Variants in LCK observed in about 807,000 individuals in gnomAD.
LCK encodes tyrosine-protein kinase Lck.
LCK carries 14 observed loss-of-function variants against 64.6 expected under a neutral mutation model. The observed-to-expected ratio is 0.22, with a 90% CI of 0.14 to 0.34. The LOEUF (loss-of-function observed/expected upper bound fraction) is 0.34. Ranked by LOEUF, LCK falls within the 10% of genes least tolerant of loss-of-function variation. LCK has a pLI of 1.00. For synonymous variants in LCK, 277 were observed against 263.6 expected (o/e 1.05, Z -0.49); for missense variants, 434 against 668.1 (o/e 0.65, Z 3.86).
chr1:32,273,018 CTGTG>C (rs1368004969), intron 1 of LCK, among the ~76,000 whole-genome samples: 1 of 128,992 alleles, frequency 7.8e-6, no homozygotes, highest in Non-Finnish European at 1.6e-5. Context: ...GTGGGTGTGA[CTGTG>C]TGGGTGTGTG....
At chr1:32,265,182 C>CA (rs557764597) in intron 1 of LCK, among the ~76,000 whole-genome samples, 4,461 of 95,464 alleles carry the variant, frequency 0.047, 75 homozygotes, top group Middle Eastern at 0.11. Context: ...GACTTTGTCT[C>CA]AAAAAAAAAA....
chr1:32,261,780 C>T (rs561451715), intron 1 of LCK, among the ~76,000 whole-genome samples: 7 of 151,036 alleles, frequency 4.6e-5, no homozygotes, highest in African/African-American at 1.5e-4. Flanking sequence ...GGTGAAACCC[C>T]GTCTCTACTA....
chr1:32,282,787 C>CA (rs1163635254), intron 12 of LCK, among the ~76,000 whole-genome samples: 18 of 152,004 alleles, frequency 1.2e-4, no homozygotes, highest in African/African-American at 4.3e-4. Flanking sequence ...GCCTGGGTGA[C>CA]AGAGTGAGAG....
At chr1:32,259,289 T>TTAAAA (rs1553151851) in intron 1 of LCK, among the ~76,000 whole-genome samples, 18 of 124,210 alleles carry the variant, frequency 1.4e-4, no homozygotes, top group African/African-American at 5.0e-4. Flanking sequence ...GCTTCTCAGG[T>TTAAAA]AAAAAAAAAA....
chr1:32,258,066 T>C (rs12025920), intron 1 of LCK, among the ~76,000 whole-genome samples: 11,924 of 151,798 alleles, frequency 0.079, 755 homozygotes, highest in East Asian at 0.23. Flanking sequence ...GGGGACTGCT[T>C]GAGCCCAGGA....
chr1:32,268,281 T>A (rs1333659839), intron 1 of LCK, among the ~76,000 whole-genome samples: 5 of 152,042 alleles, frequency 3.3e-5, no homozygotes, highest in Non-Finnish European at 7.4e-5. Context: ...GGGCTTCTTT[T>A]CAAAACTTAA....
rs1200015277 is a variant in LCK at position 32,267,485 on chromosome 1, G to A, written c.-5-6840G>A. Among the ~76,000 whole-genome samples, 5 of 152,144 alleles carry A rather than the reference G, an allele frequency of 3.3e-5. No individual in the cohort carries two copies. In the East Asian group the frequency reaches 5.8e-4, roughly 18 times the overall value. ...GTTTAAGAAACAGGAGTCGAGCTGGGCACGGTGGCTCACGTCTGTAGTCCC... is the reference window on the plus strand; with the variant it reads ...GTTTAAGAAACAGGAGTCGAGCTGGACACGGTGGCTCACGTCTGTAGTCCC... On this transcript the variant is annotated intron_variant, in intron 1 of 12. Transcript: ENST00000336890.
At chr1:32,282,998 T>G (rs1432595499) in intron 12 of LCK, among the ~76,000 whole-genome samples, 1 of 151,606 alleles carries the variant, frequency 6.6e-6, no homozygotes, top group Non-Finnish European at 1.5e-5. Flanking sequence ...AGTTTTAAAA[T>G]GTGAGAGTCC....
intron 1 of LCK, among the ~76,000 whole-genome samples, chr1:32,256,949 A>G (rs1285591490): frequency 2.0e-5 from 3 of 152,306 alleles, no homozygotes; most frequent in African/African-American, 7.2e-5. Context: ...CATTTTAGGT[A>G]CATATATCAA....
intron 1 of LCK, among the ~76,000 whole-genome samples, chr1:32,253,799 C>T (rs1033777621): frequency 8.5e-5 from 13 of 152,068 alleles, no homozygotes; most frequent in South Asian, 4.1e-4. Flanking sequence ...GGACTCTGAG[C>T]GGGGCCATGG....
In LCK at chr1:32,253,226, G is replaced by A. The variant is rs114331528; in HGVS notation, c.-6+1855G>A. 5.0e-3 allele frequency among the ~76,000 whole-genome samples: 761 copies of A among 152,238 alleles called. 2 individuals are homozygous for A. Among genetic ancestry groups the A allele is most frequent in the Middle Eastern group, 0.01 (3 of 294 alleles). ...GTTAAAAATGCAAAATTAGCCGAGC[G>A]TGGTGGCAGGTGCCTGTAATCCTAG... On this transcript the variant is annotated intron_variant, in intron 1 of 12. Transcript: ENST00000336890.
rs1035928786 is a variant in LCK at position 32,276,937 on chromosome 1, G to C, written c.964+151G>C. ...CCCCTGGAGACTCACCTCCAGCCGG[G>C]CGCGGTGGCTCAGGCCTGTAATCCC... On this transcript the variant is annotated intron_variant, in intron 9 of 12. Coordinates refer to ENST00000336890, the MANE Select transcript of LCK (RefSeq NM_005356.5). The surrounding 1 kb of genome is among the most constrained non-coding windows in gnomAD (Gnocchi z 4.6). 13 of 792,396 alleles carry C rather than the reference G, an allele frequency of 1.6e-5. No individual in the cohort carries two copies. Among genetic ancestry groups the C allele is most frequent in the South Asian group, 4.3e-5 (2 of 46,500 alleles). 49.1% of individuals were successfully genotyped at this position (792,396 alleles called of 1,614,324 possible). A position where few individuals can be genotyped will look rare whatever the true frequency, so the allele number is the denominator to read the frequency against.
At chr1:32,278,520 G>A (rs1640350704) in intron 9 of LCK, among the ~76,000 whole-genome samples, 1 of 152,020 alleles carries the variant, frequency 6.6e-6, no homozygotes, top group Non-Finnish European at 1.5e-5. Flanking sequence ...TGTATTTTTA[G>A]TAGAGACAGG....
intron 1 of LCK, among the ~76,000 whole-genome samples, chr1:32,261,741 C>G (rs1238876361): frequency 6.7e-6 from 1 of 150,182 alleles, no homozygotes; most frequent in African/African-American, 2.5e-5. Context: ...ATCATGAGGT[C>G]AGGAGTTTAA....
intron 1 of LCK, among the ~76,000 whole-genome samples, chr1:32,260,523 T>C (rs958092395): frequency 3.9e-5 from 6 of 152,204 alleles, no homozygotes; most frequent in Admixed American, 3.9e-4. Context: ...TGTTCTTTTT[T>C]CTTTTTTACT....
Position 32,279,672 on chromosome 1 carries a change from G to C in LCK, c.966G>C (p.Gly322=). 6.2e-7 allele frequency: 1 copy of C among 1,613,960 alleles called. No individual in the cohort carries two copies. Among genetic ancestry groups the C allele is most frequent in the Non-Finnish European group, 8.5e-7 (1 of 1,179,884 alleles). Residue 322 remains glycine, a splice_region_variant and synonymous_variant, in exon 10 of 13, where the codon GGG becomes GGC. Coordinates refer to ENST00000336890, the MANE Select transcript of LCK (RefSeq NM_005356.5). ...IYIITEYMEN[G]SLVDFLKTPS... is the part of the protein sequence containing the mutation. ...AGCAACTCTTGCTTCTGCCCACAGG[G>C]AGTCTAGTGGATTTTCTCAAGACCC...
rs1640244927 is a variant in LCK at position 32,275,738 on chromosome 1, G to A, written c.481+66G>A. 1 of 1,456,222 alleles carries A rather than the reference G, an allele frequency of 6.9e-7. No homozygotes were observed. The highest frequency in any genetic ancestry group is 9.3e-7 in the Non-Finnish European group (1 of 1,074,120). The allele number at this position is 1,456,222 out of a possible 1,614,324, so 90.2% of individuals were successfully genotyped here. ...GGGGTGTGCCCGAGGGGGGGCGCAG[G>A]GTGAGCCCGAGGTGGAGACACGGGG... On this transcript the variant is annotated intron_variant, in intron 6 of 12. Coordinates refer to ENST00000336890, the MANE Select transcript of LCK (RefSeq NM_005356.5). The surrounding 1 kb of genome is among the most constrained non-coding windows in gnomAD (Gnocchi z 6.9).
intron 1 of LCK, among the ~76,000 whole-genome samples, chr1:32,257,249 TG>T (rs1385632600): frequency 6.6e-6 from 1 of 151,194 alleles, no homozygotes; most frequent in South Asian, 2.1e-4. Context: ...TTTTTTTTTT[TG>T]TTTTTTTTGT....
chr1:32,265,697 C>A (rs904874598), intron 1 of LCK, among the ~76,000 whole-genome samples: 2 of 152,156 alleles, frequency 1.3e-5, no homozygotes, highest in African/African-American at 2.4e-5. Flanking sequence ...TTTCCCTCCC[C>A]ACCTGACCCC....
Sources: allele counts gnomAD v4.1 joint callset (sites outside exome capture counted in the v4.1 genomes callset), GRCh38; gene constraint gnomAD v4.1.1; non-coding constraint Gnocchi (gnomAD v3.1); transcripts MANE v1.5; gene names NCBI Gene and HGNC (gene_info 2026-07-23, HGNC 2026-07-21).